SDK1: variants seen among roughly 807,000 people sequenced by gnomAD.
The protein encoded by SDK1 is protein sidekick-1.
In SDK1, 157 loss-of-function variants were observed where a neutral mutation model predicts 245.5. That is an observed-to-expected ratio of 0.64 (90% CI 0.56 to 0.73). The LOEUF (loss-of-function observed/expected upper bound fraction) is 0.73, where lower values mean the gene tolerates loss of function less well. SDK1 is among the 30% of genes least tolerant of loss of function. The pLI is 0.00. For synonymous variants in SDK1, 1,647 were observed against 1,278.5 expected, an observed-to-expected ratio of 1.29 and a Z score of -6.15; for missense variants, 3,583 against 3,002.3, an observed-to-expected ratio of 1.19 and a Z score of -4.52.
chr7:3,900,883 G>T (rs575884438), intron 5 of SDK1, among the ~76,000 whole-genome samples: 6 of 152,032 alleles, frequency 3.9e-5, no homozygotes, highest in African/African-American at 1.2e-4. Flanking sequence ...TGAAAATTTC[G>T]CATTGATTTA....
chr7:3,958,104 A>G (rs1781407775), intron 7 of SDK1: 1 of 431,814 alleles, frequency 2.3e-6, no homozygotes, highest in African/African-American at 2.1e-5. Context: ...ATCCACATTC[A>G]ACACAATTAT....
intron 1 of SDK1, among the ~76,000 whole-genome samples, chr7:3,506,436 T>C (rs1178293781): frequency 6.6e-6 from 1 of 152,208 alleles, no homozygotes; most frequent in South Asian, 2.1e-4. Flanking sequence ...TTTGTTATTA[T>C]TCTCTTTTGG....
intron 5 of SDK1, among the ~76,000 whole-genome samples, chr7:3,925,132 A>T (rs1324914839): frequency 6.6e-6 from 1 of 152,096 alleles, no homozygotes; most frequent in Non-Finnish European, 1.5e-5. Context: ...ACCCCACTCC[A>T]GGAACCAGGG....
chr7:3,350,820 A>C (rs933669476), intron 1 of SDK1, among the ~76,000 whole-genome samples: 1 of 152,204 alleles, frequency 6.6e-6, no homozygotes, highest in Non-Finnish European at 1.5e-5. Flanking sequence ...TGACACTGAA[A>C]AAAATTAGTA....
At chr7:3,337,036 C>G (rs1780219391) in intron 1 of SDK1, among the ~76,000 whole-genome samples, 1 of 152,124 alleles carries the variant, frequency 6.6e-6, no homozygotes, top group South Asian at 2.1e-4. Context: ...TTATACAATT[C>G]TACAGATCAC....
At chr7:3,833,976 A>G (rs1434233511) in intron 5 of SDK1, among the ~76,000 whole-genome samples, 2 of 152,180 alleles carry the variant, frequency 1.3e-5, no homozygotes, top group Non-Finnish European at 2.9e-5. Flanking sequence ...TGACCCTGCC[A>G]TGTTACTACA....
intron 4 of SDK1, chr7:3,643,403 C>G (rs964559087): frequency 2.7e-5 from 4 of 148,474 alleles, no homozygotes; most frequent in South Asian, 2.2e-4. Flanking sequence ...AATCCCTTCC[C>G]TAAAGCTGTT....
chr7:3,586,019 G>C (rs1780676397), intron 1 of SDK1, among the ~76,000 whole-genome samples: 1 of 152,188 alleles, frequency 6.6e-6, no homozygotes, highest in South Asian at 2.1e-4. Flanking sequence ...AGCTGATTGA[G>C]TGGAAGAGAG....
intron 3 of SDK1, 91 bp downstream of exon 3, chr7:3,639,201 G>C: frequency 3.1e-6 from 2 of 640,616 alleles, no homozygotes; most frequent in Non-Finnish European, 5.3e-6. Flanking sequence ...TGTAGGAACT[G>C]AGAGTTTATC....
At chr7:4,201,318 G>A (rs776043513) in intron 35 of SDK1, among the ~76,000 whole-genome samples, 1 of 152,186 alleles carries the variant, frequency 6.6e-6, no homozygotes, top group East Asian at 1.9e-4. Flanking sequence ...CTGCTCAGGG[G>A]AGCAGATTGC....
At chr7:3,963,968 C>T (rs2128130390) in intron 9 of SDK1, among the ~76,000 whole-genome samples, 1 of 152,356 alleles carries the variant, frequency 6.6e-6, no homozygotes, top group Middle Eastern at 3.4e-3. Flanking sequence ...CAGATGTATC[C>T]AGTGGGTACA....
At chr7:4,177,574 C>T (rs114678658) in intron 34 of SDK1, among the ~76,000 whole-genome samples, 1 of 152,128 alleles carries the variant, frequency 6.6e-6, no homozygotes, top group East Asian at 1.9e-4. Context: ...TTCATAATTT[C>T]AAGGAGAGAT....
chr7:3,436,728 C>T lies in SDK1; in HGVS notation c.298+134844C>T, dbSNP rs181917821. ...TTAAAAGAAGTAATTGCCACTAAAT[C>T]GTGAAGAATGTTTAAATTAGAACAG... On this transcript the variant is annotated intron_variant, in intron 1 of 44. Transcript: ENST00000404826. Among the ~76,000 whole-genome samples, 333 of 152,156 alleles carry T rather than the reference C, an allele frequency of 2.2e-3. 2 individuals are homozygous for T. The highest frequency in any genetic ancestry group is 5.0e-3 in the Admixed American group (76 of 15,276).
intron 4 of SDK1, among the ~76,000 whole-genome samples, chr7:3,691,755 T>C (rs973094166): frequency 3.9e-5 from 6 of 152,156 alleles, no homozygotes; most frequent in East Asian, 1.9e-4. Flanking sequence ...ATTTAAAAAA[T>C]AGGGGGCTTG....
rs555243424 is a variant in SDK1 at position 3,957,978 on chromosome 7, C to G, written c.1151-953C>G. On this transcript the variant is annotated intron_variant, in intron 7 of 44. Transcript: ENST00000404826. The stretch of plus-strand genomic sequence containing the variant: ...TTGCCTCCTTCCAGAAACCTTCAGC[C>G]GCTTCCCCCTTAATCGTTTCTTTGA... 14 of 470,830 alleles carry G rather than the reference C, an allele frequency of 3.0e-5. 1 individual carries two copies. Among genetic ancestry groups the G allele is most frequent in the South Asian group, 2.2e-4 (14 of 64,534 alleles). The allele number at this position is 470,830 out of a possible 1,614,324, so 29.2% of individuals were successfully genotyped here.
At chr7:3,707,461 G>A (rs548179639) in intron 4 of SDK1, among the ~76,000 whole-genome samples, 2 of 152,286 alleles carry the variant, frequency 1.3e-5, no homozygotes, top group South Asian at 4.1e-4. Flanking sequence ...GACTTGTTTT[G>A]TAATCCATTA....
intron 9 of SDK1, among the ~76,000 whole-genome samples, chr7:3,965,577 C>T (rs1782025547): frequency 1.3e-5 from 2 of 152,124 alleles, no homozygotes; most frequent in African/African-American, 2.4e-5. Context: ...ATTTAGCAAG[C>T]GGCTGCTGAG....
rs770466314 is a variant in SDK1 at position 4,268,407 on chromosome 7, C to T, written c.*3023C>T. 18 of 1,116,402 alleles carry T rather than the reference C, an allele frequency of 1.6e-5. No individual in the cohort carries two copies. The highest frequency in any genetic ancestry group is 1.8e-5 in the Non-Finnish European group (16 of 902,608). 69.2% of individuals were successfully genotyped at this position (1,116,402 alleles called of 1,614,324 possible). A position where few individuals can be genotyped will look rare whatever the true frequency, so the allele number is the denominator to read the frequency against. ...CTGGGTGAATCGGTCCAGCCCAAGCCCCTCTCCCCAGCCTCGCCTTCAGCC... is the reference window on the plus strand; with the variant it reads ...CTGGGTGAATCGGTCCAGCCCAAGCTCCTCTCCCCAGCCTCGCCTTCAGCC... On this transcript the variant is annotated 3_prime_UTR_variant, in exon 45 of 45. Transcript: ENST00000404826.
At chr7:3,777,154 G>T (rs1245398399) in intron 4 of SDK1, among the ~76,000 whole-genome samples, 1 of 152,138 alleles carries the variant, frequency 6.6e-6, no homozygotes, top group Non-Finnish European at 1.5e-5. Context: ...TGTCACTGTA[G>T]GGCTGTAAAC....
Sources: gnomAD v4.1 joint callset for allele counts (sites outside exome capture counted in the v4.1 genomes callset) on GRCh38, gnomAD v4.1.1 for gene constraint, MANE v1.5 for transcripts, NCBI Gene and HGNC (gene_info 2026-07-23, HGNC 2026-07-21) for gene names.